The following ARHGEF10 variants were observed in gnomAD, a reference collection of about 807,000 sequenced individuals.
The protein encoded by ARHGEF10 is Rho guanine nucleotide exchange factor 10, also known as Rho guanine nucleotide exchange factor (GEF) 10.
ARHGEF10 carries 140 observed loss-of-function variants against 147.4 expected under a neutral mutation model. The ratio of observed to expected loss-of-function variants is 0.95; its 90% confidence interval spans 0.83 to 1.09. The LOEUF (loss-of-function observed/expected upper bound fraction) is 1.09, where lower values mean the gene tolerates loss of function less well. Ranked by LOEUF, ARHGEF10 falls within the 50% of genes least tolerant of loss-of-function variation. The pLI, the probability that ARHGEF10 is intolerant of heterozygous loss-of-function variation, is 0.00. For synonymous variants in ARHGEF10, 902 were observed against 695.8 expected (o/e 1.30, Z -4.67); for missense variants, 2,222 against 1,752.7 (o/e 1.27, Z -4.78).
chr8:1,863,958 A>C (rs1252518725), intron 4 of ARHGEF10, among the ~76,000 whole-genome samples: 2 of 151,994 alleles, frequency 1.3e-5, no homozygotes, highest in Non-Finnish European at 2.9e-5. Flanking sequence ...ATGCCCCTTC[A>C]GGCCAGTCAC....
At chr8:1,879,557 C>CTT (rs11396190) in intron 8 of ARHGEF10, among the ~76,000 whole-genome samples, 1,650 of 144,806 alleles carry the variant, frequency 0.011, 30 homozygotes, top group African/African-American at 0.039. Flanking sequence ...ATTTATCTCT[C>CTT]TTTTTTTTTT....
At chr8:1,827,328 G>T (rs1388316591) in intron 1 of ARHGEF10, among the ~76,000 whole-genome samples, 2 of 151,286 alleles carry the variant, frequency 1.3e-5, no homozygotes, top group Admixed American at 1.3e-4. Context: ...CTTTTTTTTT[G>T]AAATGGAGTA....
rs112454457 is a variant in ARHGEF10, at chr8:1,957,703, C to G, written c.*440C>G. On this transcript the variant is annotated 3_prime_UTR_variant, in exon 29 of 29. Transcript: ENST00000349830. ...CAATTCTTAAAAGTTTTACCTGATT[C>G]AGATTCACGACTTTTATTTATATTC... 11 of 161,438 alleles carry G rather than the reference C, an allele frequency of 6.8e-5. No individual in the cohort carries two copies. The highest frequency in any genetic ancestry group is 6.8e-4 in the Admixed American group (11 of 16,286). 10.0% of individuals were successfully genotyped at this position (161,438 alleles called of 1,614,324 possible).
At position 1,952,769 on chromosome 8, in the gene ARHGEF10, C is replaced by T; in HGVS notation, c.3462C>T (p.Ser1154=). The part of the protein sequence containing the change: ...VCHGLLMVGT[S]LGVLVALPVP... The stretch of plus-strand genomic sequence containing the variant: ...ACGGATTGCTGATGGTCGGCACCAG[C>T]CTGGGAGTCCTCGTGGCCCTGCCGG... Residue 1154 remains serine (S), a synonymous_variant, in exon 28 of 29, where the codon AGC becomes AGT. Coordinates refer to ENST00000349830, the MANE Select transcript of ARHGEF10 (RefSeq NM_014629.4). 1 of 1,613,584 alleles carries T rather than the reference C, an allele frequency of 6.2e-7. No homozygotes were observed. The highest frequency in any genetic ancestry group is 1.1e-5 in the South Asian group (1 of 91,084).
intron 23 of ARHGEF10, among the ~76,000 whole-genome samples, chr8:1,927,864 C>G (rs1812806140): frequency 6.6e-6 from 1 of 152,064 alleles, no homozygotes; most frequent in Non-Finnish European, 1.5e-5. Context: ...TCGCTTGAAC[C>G]CAGGAGGCAG....
At chr8:1,886,703 C>G (rs182703749) in intron 11 of ARHGEF10, among the ~76,000 whole-genome samples, 3 of 152,342 alleles carry the variant, frequency 2.0e-5, no homozygotes, top group Admixed American at 2.0e-4. Flanking sequence ...TGCCCGGTCC[C>G]TGGTGTGTTT....
In ARHGEF10 at chr8:1,889,116, TC is replaced by T. The variant is rs1324003437; in HGVS notation, c.1182+3410del. Among the ~76,000 whole-genome samples, 3 of 65,620 alleles carry T rather than the reference TC, an allele frequency of 4.6e-5. No individual in the cohort carries two copies. The African/African-American group carries it at 4.7e-4, about 10-fold the overall frequency. 43.0% of individuals were successfully genotyped at this position (65,620 alleles called of 152,430 possible). A position where few individuals can be genotyped will look rare whatever the true frequency, so the allele number is the denominator to read the frequency against. ...GAGACACTGAGTGGGGTGTGAGGGG[TC>T]TGTGAGGAGACACTGTGAGTGGGGT... On this transcript the variant is annotated intron_variant, in intron 11 of 28. Coordinates refer to ENST00000349830, the MANE Select transcript of ARHGEF10 (RefSeq NM_014629.4).
intron 14 of ARHGEF10, among the ~76,000 whole-genome samples, chr8:1,897,870 G>C (rs1048314032): frequency 2.0e-5 from 3 of 152,150 alleles, no homozygotes; most frequent in African/African-American, 7.2e-5. Context: ...TCCAGGACCT[G>C]AGCCCCAAAG....
At chr8:1,905,448 C>G (rs566735479) in intron 16 of ARHGEF10, 123 bp from the exon 17 acceptor site, 23 of 1,236,124 alleles carry the variant, frequency 1.9e-5, no homozygotes, top group East Asian at 1.4e-4. Context: ...AACATAGGAA[C>G]GATTTCCGTA....
chr8:1,871,323 A>G lies in ARHGEF10; in HGVS notation c.679+2073A>G, dbSNP rs577730403. 7.9e-5 allele frequency among the ~76,000 whole-genome samples: 12 copies of G among 152,162 alleles called. No individual in the cohort carries two copies. The South Asian group carries it at 1.2e-3, about 16-fold the overall frequency. On this transcript the variant is annotated intron_variant, in intron 7 of 28. Coordinates refer to ENST00000349830, the MANE Select transcript of ARHGEF10 (RefSeq NM_014629.4). ...GCCAAAGAATGGATGTTCAGACCTT[A>G]TTTCCTCATAATAACTGAATAAAAT...
At chr8:1,840,963 C>T (rs1464264213) in intron 1 of ARHGEF10, among the ~76,000 whole-genome samples, 2 of 152,178 alleles carry the variant, frequency 1.3e-5, no homozygotes, top group African/African-American at 2.4e-5. Flanking sequence ...CAAGGGCACC[C>T]GATGTGGATC....
chr8:1,841,003 C>T lies in ARHGEF10; in HGVS notation c.-47-2350C>T, dbSNP rs756683007. On this transcript the variant is annotated intron_variant, in intron 1 of 28. Coordinates refer to ENST00000349830, the MANE Select transcript of ARHGEF10 (RefSeq NM_014629.4). Reference sequence around the variant, plus strand: ...GACTCCCCACATATTCCAGGTGGAGCGATGACCTCACTTGCCCCCTCTCCC... The same window carrying T: ...GACTCCCCACATATTCCAGGTGGAGTGATGACCTCACTTGCCCCCTCTCCC... 2.2e-4 allele frequency among the ~76,000 whole-genome samples: 33 copies of T among 152,200 alleles called. 1 individual carries two copies. Among genetic ancestry groups the T allele is most frequent in the Admixed American group, 9.2e-4 (14 of 15,284 alleles).
At chr8:1,926,933 G>C in intron 23 of ARHGEF10, 1 of 277,870 alleles carries the variant, frequency 3.6e-6, no homozygotes, top group Non-Finnish European at 6.9e-6. Flanking sequence ...TCTTGAAGCT[G>C]TGTGGTCCCA....
At chr8:1,925,147 C>G (rs923009238) in intron 21 of ARHGEF10, 136 bp from the exon 22 acceptor site, 6 of 1,089,792 alleles carry the variant, frequency 5.5e-6, no homozygotes, top group South Asian at 2.8e-5. Context: ...CTGCTTTCCA[C>G]AAGTAAAACA....
chr8:1,905,417 A>G (rs1810803132), intron 16 of ARHGEF10, among the ~76,000 whole-genome samples, 154 bp from the exon 17 acceptor site: 1 of 152,166 alleles, frequency 6.6e-6, no homozygotes, highest in Admixed American at 6.5e-5. Flanking sequence ...AAGGAGGCGG[A>G]TGTTCAGCGC....
At chr8:1,914,006 G>A (rs1377359654) in intron 18 of ARHGEF10, among the ~76,000 whole-genome samples, 1 of 152,124 alleles carries the variant, frequency 6.6e-6, no homozygotes, top group Non-Finnish European at 1.5e-5. Flanking sequence ...CAGAGTTGAG[G>A]GAGCTCCCAG....
At chr8:1,879,178 G>T (rs1314012261) in intron 8 of ARHGEF10, among the ~76,000 whole-genome samples, 1 of 152,214 alleles carries the variant, frequency 6.6e-6, no homozygotes, top group Non-Finnish European at 1.5e-5. Context: ...AGACGAGCCA[G>T]TGGGGCCTCA....
chr8:1,883,748 A>C (rs147535158), intron 10 of ARHGEF10, among the ~76,000 whole-genome samples: 2 of 152,132 alleles, frequency 1.3e-5, no homozygotes, highest in African/African-American at 4.8e-5. Flanking sequence ...TCAGGGCAGC[A>C]AAGGACAGCC....
chr8:1,956,932 G>T lies in ARHGEF10; in HGVS notation c.3704G>T (p.Gly1235Val). Residue 1235 changes from glycine (G) to valine (V), a missense_variant, in exon 29 of 29, where the codon GGT becomes GTT. Gly to Val is a moderately radical substitution (Grantham distance 109). Coordinates refer to ENST00000349830, the MANE Select transcript of ARHGEF10 (RefSeq NM_014629.4). ...SGGAGSSLSQ[G>V]DPDAAIWLGD... is the part of the protein sequence containing the mutation. ...GGAGCTGGTTCATCTCTGAGCCAGG[G>T]TGACCCTGACGCAGCCATCTGGTTG... 2 of 1,614,194 alleles carry T rather than the reference G, an allele frequency of 1.2e-6. No homozygotes were observed. Among genetic ancestry groups the T allele is most frequent in the Non-Finnish European group, 1.7e-6 (2 of 1,180,036 alleles).
Sources: allele counts gnomAD v4.1 joint callset (sites outside exome capture counted in the v4.1 genomes callset), GRCh38; gene constraint gnomAD v4.1.1; transcripts MANE v1.5; gene names NCBI Gene and HGNC (gene_info 2026-07-23, HGNC 2026-07-21).